The following ANKS1B variants were observed in gnomAD, a reference collection of about 807,000 sequenced individuals.
ANKS1B encodes the protein ankyrin repeat and sterile alpha motif domain containing 1B, also known as ankyrin repeat and sterile alpha motif domain-containing protein 1B.
A neutral mutation model predicts 148.3 loss-of-function variants in ANKS1B; 36 were observed. The observed-to-expected ratio is 0.24, with a 90% CI of 0.19 to 0.32. The LOEUF (loss-of-function observed/expected upper bound fraction) is 0.32, where lower values mean the gene tolerates loss of function less well. Ranked by LOEUF, ANKS1B falls within the 10% of genes least tolerant of loss-of-function variation. ANKS1B has a pLI of 1.00. For missense variants in ANKS1B, 1,157 were observed against 1,542.6 expected (o/e 0.75, Z 4.19); for synonymous variants, 542 against 560.8 (o/e 0.97, Z 0.47).
intron 5 of ANKS1B, 127 bp downstream of exon 5, chr12:99,781,895 T>C (rs1330784013): frequency 4.1e-6 from 3 of 736,588 alleles, no homozygotes; most frequent in East Asian, 5.4e-5. Context: ...TATGAATACA[T>C]ATCTGCATTT....
At chr12:99,746,644 G>A (rs531547360) in intron 8 of ANKS1B, among the ~76,000 whole-genome samples, 2 of 152,228 alleles carry the variant, frequency 1.3e-5, no homozygotes, top group South Asian at 4.1e-4. Context: ...AGGACAGAGA[G>A]AGGTATAAAC....
chr12:99,391,505 T>C (rs1411371392), intron 12 of ANKS1B, among the ~76,000 whole-genome samples: 2 of 152,186 alleles, frequency 1.3e-5, no homozygotes, highest in Non-Finnish European at 2.9e-5. Flanking sequence ...TTCTTTGTCT[T>C]TCAGAGCCCC....
intron 14 of ANKS1B, among the ~76,000 whole-genome samples, chr12:99,169,832 C>T (rs2077562106): frequency 6.6e-6 from 1 of 152,140 alleles, no homozygotes; most frequent in Admixed American, 6.5e-5. Context: ...CCAGTTAAAA[C>T]TTGAACCCTA....
At chr12:99,708,126 G>A (rs1364490533) in intron 8 of ANKS1B, among the ~76,000 whole-genome samples, 1 of 152,140 alleles carries the variant, frequency 6.6e-6, no homozygotes, top group African/African-American at 2.4e-5. Context: ...ATTCAACTGA[G>A]TGGGACTCAA....
chr12:99,527,594 T>C (rs1042084905), intron 9 of ANKS1B, among the ~76,000 whole-genome samples: 5 of 152,124 alleles, frequency 3.3e-5, no homozygotes, highest in African/African-American at 7.2e-5. Flanking sequence ...TTGATGCAAA[T>C]TGTTGGTGAA....
At chr12:98,822,722 C>T (rs932181711) in intron 19 of ANKS1B, among the ~76,000 whole-genome samples, 8 of 152,244 alleles carry the variant, frequency 5.3e-5, no homozygotes, top group Non-Finnish European at 8.8e-5. Flanking sequence ...TCTAGCAAAA[C>T]GACTGGAGGT....
At chr12:99,197,345 C>T (rs373274273) in intron 14 of ANKS1B, among the ~76,000 whole-genome samples, 1 of 152,158 alleles carries the variant, frequency 6.6e-6, no homozygotes, top group Non-Finnish European at 1.5e-5. Flanking sequence ...ATGTTTCTTG[C>T]CTCATCTTTC....
intron 17 of ANKS1B, among the ~76,000 whole-genome samples, chr12:99,052,745 A>AG (rs1184049886): frequency 6.9e-6 from 1 of 144,244 alleles, no homozygotes; most frequent in Non-Finnish European, 1.5e-5. Context: ...AAAAAAAAAA[A>AG]AAAAAAAAAA....
At chr12:99,153,479 T>C (rs1452121516) in intron 15 of ANKS1B, among the ~76,000 whole-genome samples, 1 of 152,164 alleles carries the variant, frequency 6.6e-6, no homozygotes, top group Non-Finnish European at 1.5e-5. Flanking sequence ...GGGGAACTGA[T>C]GAGCACTGGG....
intron 17 of ANKS1B, among the ~76,000 whole-genome samples, chr12:98,923,314 A>T (rs958245273): frequency 6.6e-6 from 1 of 152,124 alleles, no homozygotes; most frequent in East Asian, 1.9e-4. Context: ...ACAGCTGCCT[A>T]AGCTTGGGGT....
intron 14 of ANKS1B, among the ~76,000 whole-genome samples, chr12:99,209,407 C>G (rs906862531): frequency 6.6e-6 from 1 of 152,166 alleles, no homozygotes. Context: ...ATTGTAGCCT[C>G]TTTAACTATT....
chr12:99,911,539 T>C (rs1027030025), intron 1 of ANKS1B, among the ~76,000 whole-genome samples: 66 of 152,364 alleles, frequency 4.3e-4, no homozygotes, highest in African/African-American at 1.5e-3. Flanking sequence ...TATTAGGTTG[T>C]AAAAATATTA....
At chr12:99,584,315 A>C (rs559174667) in intron 9 of ANKS1B, among the ~76,000 whole-genome samples, 1 of 152,290 alleles carries the variant, frequency 6.6e-6, no homozygotes, top group Non-Finnish European at 1.5e-5. Context: ...AAAACATACT[A>C]TAGGCCAGGC....
chr12:99,862,567 G>C (rs544588821), intron 1 of ANKS1B, among the ~76,000 whole-genome samples: 1 of 152,338 alleles, frequency 6.6e-6, no homozygotes, highest in East Asian at 1.9e-4. Context: ...TGATGCTGAT[G>C]AGCGCAGCTT....
At chr12:99,826,444 G>C (rs1175158273) in intron 1 of ANKS1B, among the ~76,000 whole-genome samples, 3 of 152,142 alleles carry the variant, frequency 2.0e-5, no homozygotes, top group Non-Finnish European at 2.9e-5. Context: ...GTGCTTATTT[G>C]ACAGTTAATT....
chr12:99,762,538 G>T (rs992300212), intron 8 of ANKS1B, among the ~76,000 whole-genome samples: 3 of 152,088 alleles, frequency 2.0e-5, no homozygotes, highest in African/African-American at 7.2e-5. Flanking sequence ...AGAAAAGATA[G>T]ATTAAAGATT....
At chr12:98,910,628 T>C (rs1335849902) in intron 17 of ANKS1B, among the ~76,000 whole-genome samples, 4 of 152,196 alleles carry the variant, frequency 2.6e-5, no homozygotes, top group Non-Finnish European at 5.9e-5. Flanking sequence ...AACCAATATG[T>C]AAATCAGCAG....
At chr12:99,296,787 G>A (rs562135075) in intron 12 of ANKS1B, among the ~76,000 whole-genome samples, 237 of 152,128 alleles carry the variant, frequency 1.6e-3, no homozygotes, top group Non-Finnish European at 2.2e-3. Flanking sequence ...AATATTTGTC[G>A]AATGATTGAC....
chr12:99,276,606 C>A (rs2077707817), intron 12 of ANKS1B, among the ~76,000 whole-genome samples: 1 of 152,134 alleles, frequency 6.6e-6, no homozygotes, highest in Non-Finnish European at 1.5e-5. Context: ...GGACTTCCAG[C>A]CTCCAGAACT....
Sources: allele counts gnomAD v4.1 joint callset (sites outside exome capture counted in the v4.1 genomes callset), GRCh38; gene constraint gnomAD v4.1.1; transcripts MANE v1.5; gene names NCBI Gene and HGNC (gene_info 2026-07-23, HGNC 2026-07-21).